The following SLC5A1 variants were observed in gnomAD, a reference collection of about 807,000 sequenced individuals.
SLC5A1 encodes solute carrier family 5 member 1, also known as sodium/glucose cotransporter 1.
A neutral mutation model predicts 73.5 loss-of-function variants in SLC5A1; 42 were observed. The observed-to-expected ratio is 0.57, with a 90% confidence interval of 0.45 to 0.74. The LOEUF is 0.74. Ranked by LOEUF, SLC5A1 falls within the 30% of genes least tolerant of loss-of-function variation. The pLI is 0.00. For missense variants in SLC5A1, 634 were observed against 855.4 expected (o/e 0.74, Z 3.23); for synonymous variants, 300 against 317.4 (o/e 0.95, Z 0.58).
intron 2 of SLC5A1, 144 bp from the exon 3 acceptor site, chr22:32,066,791 G>A (rs2093974021): frequency 1.5e-6 from 1 of 678,682 alleles, no homozygotes; most frequent in East Asian, 2.9e-5. Context: ...AGCTGTCCCT[G>A]ATGATTCCAG....
intron 2 of SLC5A1, among the ~76,000 whole-genome samples, chr22:32,060,148 CACACACACACA>C (rs2093959533): frequency 3.1e-5 from 1 of 32,522 alleles, no homozygotes. Flanking sequence ...TACACATACA[CACACACACACA>C]CACACACACA....
chr22:32,084,753 G>T, intron 8 of SLC5A1, 94 bp downstream of exon 8: 1 of 1,497,318 alleles, frequency 6.7e-7, no homozygotes, highest in Non-Finnish European at 9.2e-7. Flanking sequence ...GGGACAGGGA[G>T]GGGAGAGCTC....
intron 1 of SLC5A1, among the ~76,000 whole-genome samples, chr22:32,048,013 G>A (rs1019991065): frequency 2.6e-5 from 4 of 152,018 alleles, no homozygotes; most frequent in Non-Finnish European, 5.9e-5. Flanking sequence ...TTAGCCAGGC[G>A]TGGTGGTGTG....
chr22:32,102,634 T>C (rs77722236), intron 13 of SLC5A1, among the ~76,000 whole-genome samples: 1,852 of 152,306 alleles, frequency 0.012, 26 homozygotes, highest in African/African-American at 0.035. Context: ...TACGTATAGC[T>C]GCCCTATTGT....
At chr22:32,083,679 T>G (rs2094003494) in intron 7 of SLC5A1, among the ~76,000 whole-genome samples, 1 of 152,108 alleles carries the variant, frequency 6.6e-6, no homozygotes, top group Non-Finnish European at 1.5e-5. Context: ...TTTTTTTTTT[T>G]TGCAATTTTA....
intron 12 of SLC5A1, among the ~76,000 whole-genome samples, chr22:32,101,408 G>A (rs2094036133): frequency 6.6e-6 from 1 of 152,076 alleles, no homozygotes; most frequent in South Asian, 2.1e-4. Context: ...ATTCTAATAT[G>A]CAGACCCAAA....
rs774340707 is a variant in SLC5A1 at position 32,068,041 on chromosome 22, T to G, written c.372+15T>G. Reference sequence around the variant, plus strand: ...TTAAGGCTGGGGTAAGTATCTGCTCTGTTATTTCATTTCCTGCTGGCAAAT... The same window carrying G: ...TTAAGGCTGGGGTAAGTATCTGCTCGGTTATTTCATTTCCTGCTGGCAAAT... On this transcript the variant is annotated intron_variant, in intron 4 of 14. Transcript: ENST00000266088. 6 of 1,612,384 alleles carry G rather than the reference T, an allele frequency of 3.7e-6. No homozygotes were observed. In the Admixed American group the frequency reaches 1.0e-4, roughly 27 times the overall value.
At chr22:32,067,096 C>A in intron 3 of SLC5A1, 57 bp downstream of exon 3, 2 of 1,341,236 alleles carry the variant, frequency 1.5e-6, no homozygotes, top group Non-Finnish European at 2.1e-6. Flanking sequence ...AGCAGTCAAC[C>A]AGTTCAATCT....
intron 5 of SLC5A1, among the ~76,000 whole-genome samples, chr22:32,075,785 C>T (rs1361774764): frequency 1.1e-4 from 16 of 152,066 alleles, no homozygotes; most frequent in Middle Eastern, 3.2e-3. Context: ...GGGATGCAGA[C>T]AGGCAAGGCT....
intron 1 of SLC5A1, among the ~76,000 whole-genome samples, chr22:32,048,300 A>G (rs1224706318): frequency 6.6e-6 from 1 of 152,166 alleles, no homozygotes; most frequent in Non-Finnish European, 1.5e-5. Context: ...CACTGACCCC[A>G]TTTTCTGCTG....
chr22:32,056,850 CTG>C (rs1317305644), intron 2 of SLC5A1, among the ~76,000 whole-genome samples: 1 of 152,196 alleles, frequency 6.6e-6, no homozygotes, highest in Non-Finnish European at 1.5e-5. Context: ...AACGATGACT[CTG>C]TTTCTTTCAG....
At chr22:32,079,018 C>T (rs1225941057) in intron 5 of SLC5A1, among the ~76,000 whole-genome samples, 2 of 142,392 alleles carry the variant, frequency 1.4e-5, no homozygotes, top group East Asian at 3.9e-4. Context: ...TTCCAGAAAG[C>T]AGAAAGGAGG....
chr22:32,056,332 T>A (rs1465163620), intron 2 of SLC5A1, among the ~76,000 whole-genome samples: 1 of 152,106 alleles, frequency 6.6e-6, no homozygotes, highest in Non-Finnish European at 1.5e-5. Context: ...GTCTGTGTTT[T>A]AAGTCCTCCA....
intron 1 of SLC5A1, 80 bp from the exon 2 acceptor site, chr22:32,049,863 C>T (rs1384239933): frequency 6.4e-6 from 7 of 1,093,444 alleles, no homozygotes; most frequent in African/African-American, 1.5e-5. Context: ...AGAAGGTGCA[C>T]GAATGGGGAG....
At chr22:32,088,098 G>A (rs1334856533) in intron 10 of SLC5A1, among the ~76,000 whole-genome samples, 3 of 152,166 alleles carry the variant, frequency 2.0e-5, no homozygotes, top group Non-Finnish European at 4.4e-5. Flanking sequence ...GTTACAATTA[G>A]CAGGAGTCAC....
At chr22:32,073,779 G>C (rs1446233153) in intron 5 of SLC5A1, among the ~76,000 whole-genome samples, 1 of 152,034 alleles carries the variant, frequency 6.6e-6, no homozygotes, top group African/African-American at 2.4e-5. Flanking sequence ...AGCTGGTCTC[G>C]AACTCCTGAC....
intron 13 of SLC5A1, among the ~76,000 whole-genome samples, chr22:32,104,504 C>T (rs1466430816): frequency 1.3e-5 from 2 of 152,166 alleles, no homozygotes; most frequent in Non-Finnish European, 2.9e-5. Context: ...CACACACACA[C>T]GTAAAAGAGT....
intron 14 of SLC5A1, among the ~76,000 whole-genome samples, chr22:32,107,264 G>A (rs997629098): frequency 2.3e-4 from 35 of 152,210 alleles, no homozygotes; most frequent in Admixed American, 9.2e-4. Context: ...AAGGGACATG[G>A]ATTAGGAGTA....
chr22:32,073,861 C>T (rs1383174392), intron 5 of SLC5A1, among the ~76,000 whole-genome samples: 3 of 152,054 alleles, frequency 2.0e-5, no homozygotes, highest in East Asian at 1.9e-4. Context: ...GCCCGGCCCC[C>T]GGGTTGGTTT....
Sources: gnomAD v4.1 joint callset for allele counts (sites outside exome capture counted in the v4.1 genomes callset) on GRCh38, gnomAD v4.1.1 for gene constraint, MANE v1.5 for transcripts, NCBI Gene and HGNC (gene_info 2026-07-23, HGNC 2026-07-21) for gene names.